The following MAGI1 variants were observed in gnomAD, a reference collection of about 807,000 sequenced individuals.
The protein encoded by MAGI1 is membrane associated guanylate kinase, WW and PDZ domain containing 1.
In MAGI1, 58 loss-of-function variants were observed where a neutral mutation model predicts 139.9. The observed-to-expected ratio is 0.41, with a 90% CI of 0.34 to 0.52. The LOEUF is 0.52. MAGI1 is among the 20% of genes least tolerant of loss of function. MAGI1 has a pLI of 0.12. For missense variants in MAGI1, 1,874 were observed against 1,901.6 expected (o/e 0.99, Z 0.27); for synonymous variants, 812 against 737.9 (o/e 1.10, Z -1.63).
chr3:65,605,551 C>A (rs2082697035), intron 2 of MAGI1, among the ~76,000 whole-genome samples: 1 of 152,100 alleles, frequency 6.6e-6, no homozygotes. Flanking sequence ...GATGGAGAGC[C>A]TAACAGTTGG....
intron 22 of MAGI1, 122 bp downstream of exon 22, chr3:65,361,077 C>A: frequency 6.3e-7 from 1 of 1,586,250 alleles, no homozygotes. Context: ...TCACATGGTG[C>A]GAGAGGCTGG....
chr3:66,008,679 C>G (rs1295409251), intron 1 of MAGI1: 1 of 149,918 alleles, frequency 6.7e-6, no homozygotes, highest in East Asian at 2.0e-4. Flanking sequence ...TGCAGGATGA[C>G]TACATATTAA....
At chr3:65,411,473 T>G (rs971600969) in intron 12 of MAGI1, among the ~76,000 whole-genome samples, 1 of 152,130 alleles carries the variant, frequency 6.6e-6, no homozygotes, top group Non-Finnish European at 1.5e-5. Flanking sequence ...GAGAGGGTGA[T>G]TTTTAACTAC....
chr3:65,419,515 C>G (rs987815785), intron 12 of MAGI1, among the ~76,000 whole-genome samples: 1 of 152,128 alleles, frequency 6.6e-6, no homozygotes, highest in African/African-American at 2.4e-5. Flanking sequence ...CTCATAAATG[C>G]GTATTTTTCC....
At chr3:65,781,775 G>T (rs539062053) in intron 1 of MAGI1, among the ~76,000 whole-genome samples, 1 of 152,190 alleles carries the variant, frequency 6.6e-6, no homozygotes, top group African/African-American at 2.4e-5. Context: ...ATTTGCTAAA[G>T]GTTTCTACTG....
chr3:65,591,411 C>T (rs541067414), intron 2 of MAGI1, among the ~76,000 whole-genome samples: 2 of 152,284 alleles, frequency 1.3e-5, no homozygotes, highest in South Asian at 2.1e-4. Flanking sequence ...TATATAACCA[C>T]TTTGTACACC....
intron 1 of MAGI1, among the ~76,000 whole-genome samples, chr3:65,879,520 C>G (rs1221701122): frequency 1.3e-5 from 2 of 152,122 alleles, no homozygotes; most frequent in Non-Finnish European, 2.9e-5. Context: ...CATATTATAA[C>G]AACCTTGGGC....
intron 1 of MAGI1, among the ~76,000 whole-genome samples, chr3:65,946,740 T>C (rs556968215): frequency 3.3e-5 from 5 of 152,130 alleles, no homozygotes; most frequent in East Asian, 3.9e-4. Flanking sequence ...CCAGAAGAGG[T>C]AGGGCCAGGG....
intron 2 of MAGI1, among the ~76,000 whole-genome samples, chr3:65,555,421 T>C (rs994507928): frequency 6.6e-6 from 1 of 152,240 alleles, no homozygotes; most frequent in Non-Finnish European, 1.5e-5. Flanking sequence ...GGACAGGATA[T>C]GGCTCCTGTT....
chr3:65,504,664 G>A (rs73128928), intron 2 of MAGI1, among the ~76,000 whole-genome samples: 3,272 of 152,208 alleles, frequency 0.021, 78 homozygotes, highest in Admixed American at 0.063. Context: ...ACATAGCAGG[G>A]AGCTGATGGA....
chr3:65,411,004 AT>A (rs1945751944), intron 12 of MAGI1, among the ~76,000 whole-genome samples: 1 of 152,162 alleles, frequency 6.6e-6, no homozygotes, highest in African/African-American at 2.4e-5. Context: ...GGAGTGAACT[AT>A]GGCATCTTCT....
chr3:65,525,819 G>A (rs914536756), intron 2 of MAGI1, among the ~76,000 whole-genome samples: 4 of 152,140 alleles, frequency 2.6e-5, no homozygotes, highest in African/African-American at 4.8e-5. Context: ...TATCACAATT[G>A]TACAAGTATA....
At chr3:65,857,070 T>C (rs1216460082) in intron 1 of MAGI1, among the ~76,000 whole-genome samples, 1 of 152,250 alleles carries the variant, frequency 6.6e-6, no homozygotes, top group Non-Finnish European at 1.5e-5. Flanking sequence ...TTGGGGCTCA[T>C]GGCCACTGCA....
chr3:65,673,024 G>C (rs1327539517), intron 1 of MAGI1, among the ~76,000 whole-genome samples: 2 of 152,026 alleles, frequency 1.3e-5, no homozygotes, highest in Non-Finnish European at 2.9e-5. Context: ...AAAAATATTT[G>C]TTCCCAACTC....
At chr3:65,771,248 A>C (rs1254811638) in intron 1 of MAGI1, among the ~76,000 whole-genome samples, 1 of 151,934 alleles carries the variant, frequency 6.6e-6, no homozygotes, top group African/African-American at 2.4e-5. Context: ...CAGAGGTTGC[A>C]GTGAGCCGAG....
chr3:65,680,923 A>G (rs1322648486), intron 1 of MAGI1, among the ~76,000 whole-genome samples: 2 of 152,182 alleles, frequency 1.3e-5, no homozygotes, highest in Admixed American at 6.5e-5. Flanking sequence ...ATGGGACGGA[A>G]AGATTCAGTA....
chr3:66,038,577 C>G lies in MAGI1; in HGVS notation c.-269G>C, dbSNP rs2069065747. On this transcript the variant is annotated 5_prime_UTR_variant, in exon 1 of 23. Coordinates refer to ENST00000402939, the MANE Select transcript of MAGI1 (RefSeq NM_001033057.2). ...TGCCTCTGGGTCCACGTTCCGGCGC[C>G]CGCCCGTGCTCTCCCGGACCAGAGT... is the stretch of plus-strand genomic sequence containing the variant. 3 of 443,160 alleles carry G rather than the reference C, an allele frequency of 6.8e-6. No homozygotes were observed. Among genetic ancestry groups the G allele is most frequent in the Non-Finnish European group, 1.2e-5 (3 of 254,578 alleles). 27.5% of individuals were successfully genotyped at this position (443,160 alleles called of 1,614,324 possible). A position where few individuals can be genotyped will look rare whatever the true frequency, so the allele number is the denominator to read the frequency against.
At chr3:65,850,811 A>T (rs1302059868) in intron 1 of MAGI1, among the ~76,000 whole-genome samples, 2 of 152,088 alleles carry the variant, frequency 1.3e-5, no homozygotes, top group African/African-American at 4.8e-5. Context: ...CCTTTATTTT[A>T]AAAATATGCC....
chr3:65,446,663 T>G (rs1661486772), intron 7 of MAGI1, among the ~76,000 whole-genome samples: 1 of 152,216 alleles, frequency 6.6e-6, no homozygotes, highest in Non-Finnish European at 1.5e-5. Context: ...ATTAAGACAC[T>G]CATTTTGTGT....
Sources: allele counts gnomAD v4.1 joint callset (sites outside exome capture counted in the v4.1 genomes callset), GRCh38; gene constraint gnomAD v4.1.1; transcripts MANE v1.5; gene names NCBI Gene and HGNC (gene_info 2026-07-23, HGNC 2026-07-21).